RABGAP1L: variants seen among roughly 807,000 people sequenced by gnomAD.
RABGAP1L encodes the protein RAB GTPase activating protein 1 like.
A neutral mutation model predicts 137.7 loss-of-function variants in RABGAP1L; 63 were observed. The ratio of observed to expected loss-of-function variants is 0.46; its 90% CI spans 0.37 to 0.56. RABGAP1L has a LOEUF of 0.56. RABGAP1L is among the 20% of genes least tolerant of loss of function. RABGAP1L has a pLI of 0.00. For synonymous variants in RABGAP1L, 431 were observed against 433.7 expected, an observed-to-expected ratio of 0.99 and a Z score of 0.08; for missense variants, 1,095 against 1,244.0, an observed-to-expected ratio of 0.88 and a Z score of 1.80.
chr1:174,231,106 T>G, intron 3 of RABGAP1L, 39 bp from the exon 4 acceptor site: 2 of 1,460,814 alleles, frequency 1.4e-6, no homozygotes, highest in Admixed American at 1.8e-5. Context: ...GGTGGAGTTT[T>G]GCAATGACTT....
chr1:174,436,988 A>G (rs1653422520), intron 13 of RABGAP1L, among the ~76,000 whole-genome samples: 2 of 152,402 alleles, frequency 1.3e-5, no homozygotes, highest in African/African-American at 2.4e-5. Flanking sequence ...GGAAACTCCA[A>G]CAGACCTGCA....
At chr1:174,905,380 G>A (rs780797668) in intron 19 of RABGAP1L, among the ~76,000 whole-genome samples, 1 of 152,042 alleles carries the variant, frequency 6.6e-6, no homozygotes, top group African/African-American at 2.4e-5. Flanking sequence ...ACAAAGAAGA[G>A]CAATTCAGAA....
At chr1:174,749,129 T>C (rs1425531183) in intron 17 of RABGAP1L, among the ~76,000 whole-genome samples, 1 of 150,472 alleles carries the variant, frequency 6.6e-6, no homozygotes, top group Non-Finnish European at 1.5e-5. Flanking sequence ...TGAGCCAAGA[T>C]TGCACCACTG....
At chr1:174,496,040 G>C (rs140746817) in intron 13 of RABGAP1L, among the ~76,000 whole-genome samples, 1 of 152,176 alleles carries the variant, frequency 6.6e-6, no homozygotes, top group African/African-American at 2.4e-5. Context: ...TTTTAACTTT[G>C]AGTTTAAATT....
Position 174,648,089 on chromosome 1 carries a change from T to C in RABGAP1L, c.1824+10601T>C, listed in dbSNP as rs534583491. ...TTTTATTGTGTCTATTTGATTCTTC[T>C]CTCTTTTCTTTTTTATTAATCTGGG... On this transcript the variant is annotated intron_variant, in intron 14 of 25. Coordinates refer to ENST00000681986, the MANE Select transcript of RABGAP1L (RefSeq NM_001366446.1). Among the ~76,000 whole-genome samples the C allele has an allele frequency of 1.7e-4, 26 of 152,232 alleles. 1 individual carries two copies. In the South Asian group the frequency reaches 2.3e-3, roughly 13 times the overall value.
chr1:174,611,426 G>C (rs1346008642), intron 13 of RABGAP1L, among the ~76,000 whole-genome samples: 2 of 151,664 alleles, frequency 1.3e-5, no homozygotes, highest in African/African-American at 2.4e-5. Context: ...TCTCTCTTTT[G>C]GTACCACTAC....
chr1:174,208,931 T>TG (rs925661580), intron 1 of RABGAP1L, among the ~76,000 whole-genome samples: 2 of 152,200 alleles, frequency 1.3e-5, no homozygotes, highest in African/African-American at 4.8e-5. Context: ...TTGGCCATAG[T>TG]GGGGTAGAAC....
chr1:174,933,094 G>A (rs142469034), intron 19 of RABGAP1L, among the ~76,000 whole-genome samples: 5 of 151,964 alleles, frequency 3.3e-5, no homozygotes, highest in South Asian at 2.1e-4. Context: ...ATACATACAT[G>A]CATACATACA....
intron 19 of RABGAP1L, among the ~76,000 whole-genome samples, chr1:174,922,832 A>G (rs1036401278): frequency 6.6e-6 from 1 of 152,208 alleles, no homozygotes; most frequent in African/African-American, 2.4e-5. Context: ...AGGCAAATCA[A>G]CTTAATCTTG....
At chr1:174,723,655 G>A (rs765846422) in intron 17 of RABGAP1L, among the ~76,000 whole-genome samples, 1 of 152,084 alleles carries the variant, frequency 6.6e-6, no homozygotes, top group African/African-American at 2.4e-5. Context: ...CTTTGAAGTT[G>A]CATATCATAT....
At chr1:174,323,074 G>C (rs1379713296) in intron 11 of RABGAP1L, among the ~76,000 whole-genome samples, 1 of 152,104 alleles carries the variant, frequency 6.6e-6, no homozygotes, top group Non-Finnish European at 1.5e-5. Context: ...ATACACTTCA[G>C]TGTCACATCA....
chr1:174,839,036 TG>T, intron 19 of RABGAP1L, among the ~76,000 whole-genome samples: 1 of 139,000 alleles, frequency 7.2e-6, no homozygotes, highest in East Asian at 2.2e-4. Context: ...TACGTGTGTG[TG>T]TGTGTGTGTG....
At chr1:174,321,124 G>A (rs913044683) in intron 11 of RABGAP1L, among the ~76,000 whole-genome samples, 1 of 152,064 alleles carries the variant, frequency 6.6e-6, no homozygotes, top group African/African-American at 2.4e-5. Context: ...GATAAAATAA[G>A]CCCCAGTCTC....
intron 1 of RABGAP1L, among the ~76,000 whole-genome samples, chr1:174,176,713 G>GAAAAAA (rs71563251): frequency 0.01 from 226 of 21,538 alleles, 28 homozygotes; most frequent in African/African-American, 0.031. Context: ...CCCTTTTTCA[G>GAAAAAA]AAAAAAAAAA....
At chr1:174,900,749 G>A (rs1228778333) in intron 19 of RABGAP1L, among the ~76,000 whole-genome samples, 1 of 152,080 alleles carries the variant, frequency 6.6e-6, no homozygotes, top group East Asian at 1.9e-4. Context: ...TGTACTCCTT[G>A]CCTCAAGTGA....
chr1:174,796,314 T>C (rs1404019073), intron 18 of RABGAP1L, among the ~76,000 whole-genome samples: 1 of 152,164 alleles, frequency 6.6e-6, no homozygotes, highest in Non-Finnish European at 1.5e-5. Flanking sequence ...AAGAATGTTC[T>C]GTGATTGTTC....
intron 13 of RABGAP1L, among the ~76,000 whole-genome samples, chr1:174,406,049 A>G (rs930023255): frequency 2.0e-5 from 3 of 152,126 alleles, no homozygotes; most frequent in African/African-American, 7.2e-5. Context: ...TTAAGAAAAT[A>G]TACAATTTAT....
intron 17 of RABGAP1L, among the ~76,000 whole-genome samples, chr1:174,713,105 C>T (rs2148563075): frequency 6.6e-6 from 1 of 152,254 alleles, no homozygotes; most frequent in Non-Finnish European, 1.5e-5. Flanking sequence ...TTCCTTGCCC[C>T]CATACTATAT....
intron 23 of RABGAP1L, among the ~76,000 whole-genome samples, 187 bp downstream of exon 23, chr1:174,979,077 C>T (rs940098553): frequency 9.2e-5 from 14 of 151,738 alleles, no homozygotes; most frequent in African/African-American, 2.2e-4. Flanking sequence ...CCCAGCTACC[C>T]GGGAGGCTGA....
Sources: gnomAD v4.1 joint callset for allele counts (sites outside exome capture counted in the v4.1 genomes callset) on GRCh38, gnomAD v4.1.1 for gene constraint, MANE v1.5 for transcripts, NCBI Gene and HGNC (gene_info 2026-07-23, HGNC 2026-07-21) for gene names.